The following SLC35D2 variants were observed in gnomAD, a reference collection of about 807,000 sequenced individuals.
The protein encoded by SLC35D2 is solute carrier family 35 member D2, also known as nucleotide sugar transporter SLC35D2.
A neutral mutation model predicts 41.8 loss-of-function variants in SLC35D2; 43 were observed. The ratio of observed to expected loss-of-function variants is 1.03; its 90% CI spans 0.81 to 1.33. SLC35D2 has a LOEUF of 1.33. Ranked by LOEUF, SLC35D2 falls within the 40% of genes most tolerant of loss-of-function variation. The probability of loss-of-function intolerance (pLI) is 0.00; values close to 1 mark genes in which losing one functional copy is unlikely to be tolerated. For missense variants in SLC35D2, 380 were observed against 408.4 expected (o/e 0.93, Z 0.60); for synonymous variants, 150 against 163.9 (o/e 0.92, Z 0.65).
intron 9 of SLC35D2, among the ~76,000 whole-genome samples, chr9:96,333,794 A>C (rs558592655): frequency 7.9e-5 from 12 of 152,232 alleles, no homozygotes; most frequent in African/African-American, 2.9e-4. Flanking sequence ...AACAAAAAAC[A>C]AACCAAAAAA....
chr9:96,323,798 C>T (rs1160173686), intron 10 of SLC35D2, among the ~76,000 whole-genome samples: 9 of 151,928 alleles, frequency 5.9e-5, no homozygotes, highest in Admixed American at 1.3e-4. Context: ...TGGTGGCAGG[C>T]GCCTGTAATC....
chr9:96,382,162 TCA>T (rs1359308740), intron 1 of SLC35D2, among the ~76,000 whole-genome samples: 1 of 151,964 alleles, frequency 6.6e-6, no homozygotes, highest in Non-Finnish European at 1.5e-5. Flanking sequence ...TATGTGGGCC[TCA>T]GTTTTCTCGA....
At chr9:96,363,274 T>C (rs1830353867) in intron 3 of SLC35D2, among the ~76,000 whole-genome samples, 1 of 152,064 alleles carries the variant, frequency 6.6e-6, no homozygotes, top group Admixed American at 6.6e-5. Flanking sequence ...GTCACTGGGA[T>C]TATAGGCGTG....
At chr9:96,374,289 A>G (rs763473391) in intron 1 of SLC35D2, among the ~76,000 whole-genome samples, 1 of 152,194 alleles carries the variant, frequency 6.6e-6, no homozygotes, top group African/African-American at 2.4e-5. Flanking sequence ...TAATCCCAGC[A>G]CTTTGGGAGG....
chr9:96,369,254 C>T (rs1830589876), intron 1 of SLC35D2, among the ~76,000 whole-genome samples: 2 of 152,048 alleles, frequency 1.3e-5, no homozygotes, highest in Non-Finnish European at 2.9e-5. Context: ...AGAAAGGCAT[C>T]TGTATAAAAA....
chr9:96,362,455 T>C (rs1830314814), intron 3 of SLC35D2, among the ~76,000 whole-genome samples: 1 of 151,466 alleles, frequency 6.6e-6, no homozygotes, highest in African/African-American at 2.4e-5. Context: ...TGCAGTGAGC[T>C]GACATTGCAC....
chr9:96,348,108 G>A (rs80130811), intron 6 of SLC35D2, among the ~76,000 whole-genome samples: 1 of 152,018 alleles, frequency 6.6e-6, no homozygotes, highest in Non-Finnish European at 1.5e-5. Flanking sequence ...CTGCAGACTC[G>A]CCCTGAATTC....
At chr9:96,374,760 C>G (rs1294467775) in intron 1 of SLC35D2, among the ~76,000 whole-genome samples, 4 of 150,824 alleles carry the variant, frequency 2.7e-5, no homozygotes. Context: ...ATGGCGTGAA[C>G]CCGGAAGGCA....
intron 8 of SLC35D2, among the ~76,000 whole-genome samples, chr9:96,342,834 A>C (rs1366454599): frequency 6.6e-6 from 1 of 152,216 alleles, no homozygotes; most frequent in African/African-American, 2.4e-5. Flanking sequence ...AGCCTTTCAG[A>C]GTCACTCAGA....
downstream of SLC35D2, among the ~76,000 whole-genome samples, chr9:96,319,945 A>G (rs919973031): frequency 1.3e-5 from 2 of 152,346 alleles, no homozygotes; most frequent in Middle Eastern, 3.4e-3. Context: ...CAACGGGCCA[A>G]GTGACTTGGG....
chr9:96,330,376 C>G (rs1397189771), intron 9 of SLC35D2, among the ~76,000 whole-genome samples: 1 of 152,162 alleles, frequency 6.6e-6, no homozygotes, highest in Non-Finnish European at 1.5e-5. Context: ...TTAATCCAGT[C>G]GAATTGATAC....
downstream of SLC35D2, among the ~76,000 whole-genome samples, chr9:96,319,816 G>A (rs138200946): frequency 1.3e-5 from 2 of 152,232 alleles, no homozygotes; most frequent in Non-Finnish European, 2.9e-5. Context: ...AAATCCACAC[G>A]ATTCCTTCCT....
intron 4 of SLC35D2, among the ~76,000 whole-genome samples, chr9:96,352,545 C>T (rs1829852647): frequency 6.6e-6 from 1 of 152,036 alleles, no homozygotes; most frequent in Admixed American, 6.6e-5. Flanking sequence ...TGGTCTCAAA[C>T]ACCTGACCTA....
chr9:96,339,061 G>A (rs1829185108), intron 8 of SLC35D2, among the ~76,000 whole-genome samples: 1 of 151,948 alleles, frequency 6.6e-6, no homozygotes, highest in Non-Finnish European at 1.5e-5. Context: ...ATCCATTGAG[G>A]GCTATTTTGT....
chr9:96,355,298 C>T (rs952470582), intron 4 of SLC35D2, among the ~76,000 whole-genome samples: 3 of 151,558 alleles, frequency 2.0e-5, no homozygotes, highest in Non-Finnish European at 2.9e-5. Context: ...GGACTACAGA[C>T]GTAAGCCACC....
chr9:96,372,736 C>T (rs887269763), intron 1 of SLC35D2, among the ~76,000 whole-genome samples: 2 of 151,048 alleles, frequency 1.3e-5, no homozygotes, highest in South Asian at 2.1e-4. Flanking sequence ...AGGCGCGCAC[C>T]ACCACGCCTG....
intron 9 of SLC35D2, among the ~76,000 whole-genome samples, chr9:96,324,549 C>CATTTTTTTTTTTTTTTTTTTTTTT: frequency 8.5e-6 from 1 of 117,762 alleles, no homozygotes; most frequent in East Asian, 3.1e-4. Flanking sequence ...GCCTGCTGCA[C>CATTTTTTTTTTTTTTTTTTTTTTT]TTTTTTTTTT....
intron 4 of SLC35D2, among the ~76,000 whole-genome samples, chr9:96,352,482 C>T (rs375317396): frequency 6.6e-5 from 10 of 151,904 alleles, no homozygotes; most frequent in African/African-American, 1.2e-4. Flanking sequence ...CCACAACACC[C>T]GGCTAATTTT....
intron 3 of SLC35D2, among the ~76,000 whole-genome samples, chr9:96,361,349 G>A (rs1269811342): frequency 1.3e-5 from 2 of 152,096 alleles, no homozygotes; most frequent in African/African-American, 4.8e-5. Flanking sequence ...GTTACATGAG[G>A]GCATAGTGGT....
Sources: allele counts gnomAD v4.1 joint callset (sites outside exome capture counted in the v4.1 genomes callset), GRCh38; gene constraint gnomAD v4.1.1; transcripts MANE v1.5; gene names NCBI Gene and HGNC (gene_info 2026-07-23, HGNC 2026-07-21).